RANBP17: variants seen among roughly 807,000 people sequenced by gnomAD.
The protein encoded by RANBP17 is ran-binding protein 17.
Under a neutral mutation model 141.2 loss-of-function variants are expected in RANBP17, and 158 were observed. The observed-to-expected ratio is 1.12, with a 90% CI of 0.98 to 1.28. The LOEUF is 1.28. Ranked by LOEUF, RANBP17 falls within the 50% of genes most tolerant of loss-of-function variation. The probability of loss-of-function intolerance (pLI) is 0.00; values close to 1 mark genes in which losing one functional copy is unlikely to be tolerated. For missense variants in RANBP17, 1,438 were observed against 1,290.7 expected (o/e 1.11, Z -1.75); for synonymous variants, 430 against 450.0 (o/e 0.96, Z 0.56).
intron 9 of RANBP17, 118 bp downstream of exon 9, chr5:170,916,702 A>T: frequency 2.4e-5 from 13 of 552,484 alleles, no homozygotes; most frequent in East Asian, 3.4e-5. Flanking sequence ...AGTATCATAT[A>T]TATCTTCCTT....
intron 22 of RANBP17, among the ~76,000 whole-genome samples, chr5:171,225,905 A>G (rs1763852151): frequency 6.6e-6 from 1 of 152,188 alleles, no homozygotes; most frequent in Non-Finnish European, 1.5e-5. Context: ...TTCAGCTCTC[A>G]GCTCCTCTTG....
intron 5 of RANBP17, chr5:170,896,874 C>T (rs554216554): frequency 1.1e-4 from 59 of 531,002 alleles, no homozygotes; most frequent in Non-Finnish European, 1.4e-4. Context: ...GGGTTGCAGG[C>T]CCAATGCAGA....
At chr5:170,938,624 G>A (rs888468078) in intron 12 of RANBP17, among the ~76,000 whole-genome samples, 3 of 152,102 alleles carry the variant, frequency 2.0e-5, no homozygotes, top group Non-Finnish European at 4.4e-5. Flanking sequence ...CAACCAGGAG[G>A]ATATGAAAAG....
At chr5:171,041,864 G>A (rs1782269616) in intron 14 of RANBP17, among the ~76,000 whole-genome samples, 1 of 152,004 alleles carries the variant, frequency 6.6e-6, no homozygotes, top group African/African-American at 2.4e-5. Context: ...AGTCCCACAT[G>A]CATTAGCTAT....
chr5:171,271,309 T>C (rs1400511558), intron 25 of RANBP17: 1 of 213,380 alleles, frequency 4.7e-6, no homozygotes, highest in Non-Finnish European at 9.5e-6. Context: ...AGGGAAATCA[T>C]CTGCTCTTTT....
chr5:171,147,336 GTT>G (rs1758101652), intron 14 of RANBP17, among the ~76,000 whole-genome samples: 2 of 48,786 alleles, frequency 4.1e-5, no homozygotes, highest in Non-Finnish European at 9.6e-5. Context: ...TTTCTTGGTT[GTT>G]TTGTGTGTGT....
At chr5:170,898,174 T>G (rs1363651558) in intron 5 of RANBP17, among the ~76,000 whole-genome samples, 2 of 152,194 alleles carry the variant, frequency 1.3e-5, no homozygotes, top group Non-Finnish European at 2.9e-5. Flanking sequence ...ATATTTAGGA[T>G]AGTTAGCTCT....
At chr5:170,910,828 A>T in intron 6 of RANBP17, 141 bp from the exon 7 acceptor site, 1 of 748,538 alleles carries the variant, frequency 1.3e-6, no homozygotes, top group East Asian at 2.8e-5. Context: ...AGGTAACATT[A>T]CTTCCTTATA....
intron 24 of RANBP17, among the ~76,000 whole-genome samples, chr5:171,247,192 T>G (rs1765260253): frequency 6.6e-6 from 1 of 152,192 alleles, no homozygotes; most frequent in Admixed American, 6.5e-5. Context: ...ACTACCCTGC[T>G]AGATCTACCT....
In RANBP17 at chr5:171,208,446, G is replaced by A. The variant is rs147169143; in HGVS notation, c.2231+2834G>A. 3.2e-4 allele frequency among the ~76,000 whole-genome samples: 49 copies of A among 152,298 alleles called. No individual in the cohort carries two copies. In the East Asian group the frequency reaches 9.1e-3, roughly 28 times the overall value. On this transcript the variant is annotated intron_variant, in intron 20 of 27. Coordinates refer to ENST00000523189, the MANE Select transcript of RANBP17 (RefSeq NM_022897.5). ...CAATAAGAAAACACCTTAGCTTGCA[G>A]TGCATCTGATCTCCTTGTTTAAAAT...
intron 25 of RANBP17, among the ~76,000 whole-genome samples, chr5:171,280,818 C>T (rs1767812904): frequency 6.6e-6 from 1 of 152,220 alleles, no homozygotes; most frequent in African/African-American, 2.4e-5. Context: ...TGAGTGCTTT[C>T]AAATGACTGA....
chr5:171,078,522 C>A (rs995978852), intron 14 of RANBP17, among the ~76,000 whole-genome samples: 7 of 152,192 alleles, frequency 4.6e-5, no homozygotes, highest in African/African-American at 1.7e-4. Context: ...CTAGAACTTT[C>A]CTAGCTAGAG....
At chr5:171,002,894 G>A (rs949190402) in intron 14 of RANBP17, among the ~76,000 whole-genome samples, 1 of 152,136 alleles carries the variant, frequency 6.6e-6, no homozygotes, top group Admixed American at 6.5e-5. Context: ...GTGGGAGGCC[G>A]GATTGAAGTC....
intron 12 of RANBP17, among the ~76,000 whole-genome samples, chr5:170,929,460 C>T (rs563390449): frequency 6.6e-6 from 1 of 151,984 alleles, no homozygotes; most frequent in African/African-American, 2.4e-5. Context: ...TAAAATAGAC[C>T]TTTTATGCAT....
chr5:170,947,131 G>A (rs1461503780), intron 12 of RANBP17, among the ~76,000 whole-genome samples: 1 of 152,024 alleles, frequency 6.6e-6, no homozygotes, highest in African/African-American at 2.4e-5. Context: ...TATTATTGGA[G>A]AAGTTGCTTT....
chr5:171,148,483 C>T (rs529723221), intron 14 of RANBP17, among the ~76,000 whole-genome samples: 116 of 152,012 alleles, frequency 7.6e-4, no homozygotes, highest in African/African-American at 2.4e-3. Context: ...ATTTAAAGTA[C>T]GAATTTTTGA....
intron 12 of RANBP17, among the ~76,000 whole-genome samples, chr5:170,947,369 A>T (rs897660467): frequency 1.1e-4 from 17 of 152,178 alleles, no homozygotes; most frequent in African/African-American, 4.1e-4. Context: ...ACAGACAAAA[A>T]TACCTGTTTT....
chr5:171,277,637 G>GTGTGTGTGTATATATATATATATA (rs1437482589), intron 25 of RANBP17, among the ~76,000 whole-genome samples: 17 of 56,918 alleles, frequency 3.0e-4, no homozygotes, highest in African/African-American at 9.9e-4. Flanking sequence ...ATATATGTAT[G>GTGTGTGTGTATATATATATATATA]TATATATATA....
chr5:171,258,847 A>G (rs1766098598), intron 24 of RANBP17, among the ~76,000 whole-genome samples: 1 of 152,154 alleles, frequency 6.6e-6, no homozygotes, highest in African/African-American at 2.4e-5. Flanking sequence ...GACCTCCAAA[A>G]CACAGCAACA....
Sources: allele counts gnomAD v4.1 joint callset (sites outside exome capture counted in the v4.1 genomes callset), GRCh38; gene constraint gnomAD v4.1.1; transcripts MANE v1.5; gene names NCBI Gene and HGNC (gene_info 2026-07-23, HGNC 2026-07-21).